DICER1: variants seen among roughly 807,000 people sequenced by gnomAD.
DICER1 encodes the protein dicer 1, ribonuclease III.
DICER1 carries 43 observed loss-of-function variants against 194.1 expected under a neutral mutation model. The ratio of observed to expected loss-of-function variants is 0.22; its 90% CI spans 0.17 to 0.29. The LOEUF is 0.29. Among genes scored for constraint, DICER1 ranks in the 10% least tolerant of loss-of-function variants. The pLI is 1.00. For synonymous variants in DICER1, 832 were observed against 820.5 expected (o/e 1.01, Z -0.24); for missense variants, 1,608 against 2,317.0 (o/e 0.69, Z 6.28).
Position 95,132,144 on chromosome 14 carries a change from A to G in DICER1, c.307+371T>C, listed in dbSNP as rs113585915. Among the ~76,000 whole-genome samples the G allele has an allele frequency of 8.0e-3, 1,217 of 152,366 alleles. 20 individuals are homozygous for G. The highest frequency in any genetic ancestry group is 0.028 in the African/African-American group (1,158 of 41,598). Reference sequence around the variant, plus strand: ...TTCTAAGCAGCATGTAACTTTATTAATACAACTGATTAGCAAAATCATAAG... The same window carrying G: ...TTCTAAGCAGCATGTAACTTTATTAGTACAACTGATTAGCAAAATCATAAG... On this transcript the variant is annotated intron_variant, in intron 3 of 26. Transcript: ENST00000343455.
chr14:95,096,819 A>T, intron 22 of DICER1, 106 bp from the exon 23 acceptor site: 1 of 1,336,006 alleles, frequency 7.5e-7, no homozygotes. Flanking sequence ...AATGACAACC[A>T]CAAATACTAA....
chr14:95,113,711 T>G (rs180987674), intron 11 of DICER1, among the ~76,000 whole-genome samples: 3 of 152,066 alleles, frequency 2.0e-5, no homozygotes, highest in Non-Finnish European at 4.4e-5. Flanking sequence ...AAAAGGACAG[T>G]AGAACTAGCA....
At chr14:95,117,298 G>A (rs959381260) in intron 9 of DICER1, among the ~76,000 whole-genome samples, 2 of 152,002 alleles carry the variant, frequency 1.3e-5, no homozygotes, top group African/African-American at 4.8e-5. Context: ...ATAGTCATAT[G>A]GAATGTACAA....
At chr14:95,111,612 C>G (rs568238647) in intron 13 of DICER1, among the ~76,000 whole-genome samples, 156 bp from the exon 14 acceptor site, 3 of 152,160 alleles carry the variant, frequency 2.0e-5, no homozygotes, top group Non-Finnish European at 2.9e-5. Flanking sequence ...ATTCACACTT[C>G]AGGCAAAGTC....
chr14:95,146,876 T>A (rs1056608948), intron 1 of DICER1, among the ~76,000 whole-genome samples: 14 of 151,990 alleles, frequency 9.2e-5, no homozygotes, highest in African/African-American at 3.1e-4. Context: ...TAATTATGTC[T>A]TAGTTAAAAA....
At chr14:95,139,153 C>A (rs1010593962) in intron 1 of DICER1, among the ~76,000 whole-genome samples, 1 of 152,194 alleles carries the variant, frequency 6.6e-6, no homozygotes, top group Non-Finnish European at 1.5e-5. Flanking sequence ...GTATTTCAAT[C>A]CTATGTGCTC....
Position 95,103,730 on chromosome 14 carries a change from T to A in DICER1, c.3666A>T (p.Leu1222Phe). Residue 1222 changes from leucine (L) to phenylalanine (F), a missense_variant, in exon 21 of 27, where the codon TTA becomes TTT. Physicochemically the swap from Leu to Phe is conservative, Grantham distance 22. This residue lies in a region of DICER1 where 222 missense variants were observed against 215.5 expected (regional missense o/e 1.03). Transcript: ENST00000343455. ...QPTTSYSIQNLYSYENQPQPS... is the reference protein window; with the variant it reads ...QPTTSYSIQNFYSYENQPQPS... ...GCTGGGGCTGGTTCTCGTAACTGTA[T>A]AAATTCTGAATGGAATATGAGGTAG... The A allele has an allele frequency of 6.2e-7, 1 of 1,614,226 alleles. No individual in the cohort carries two copies. Among genetic ancestry groups the A allele is most frequent in the South Asian group, 1.1e-5 (1 of 91,080 alleles).
rs750106160 is a variant in DICER1, at chr14:95,086,567, T to C, written c.*3931A>G. On this transcript the variant is annotated 3_prime_UTR_variant, in exon 27 of 27. Transcript: ENST00000343455. ...CTTAGTGCATCTATAAAATTTAAAT[T>C]GTCTGTGGTTGATGTCCAAATAAAA... The C allele has an allele frequency of 4.3e-6, 1 of 233,322 alleles. No individual in the cohort carries two copies. Among genetic ancestry groups the C allele is most frequent in the Non-Finnish European group, 8.5e-6 (1 of 117,886 alleles). 14.5% of individuals were successfully genotyped at this position (233,322 alleles called of 1,614,324 possible).
chr14:95,091,223 G>T lies in DICER1; in HGVS notation c.5507C>A (p.Pro1836His), dbSNP rs187288681. The part of the protein sequence containing the change: ...SLETVWQVYY[P>H]MMRPLIEKFS... ...AATACCTATTAGTGGCCGCATCATG[G>T]GATAGTACACCTGCCAGACTGTCTC... Residue 1836 changes from proline (P) to histidine (H), a missense_variant, in exon 25 of 27, where the codon CCC (proline) becomes CAC (histidine). Pro to His is a moderately conservative substitution (Grantham distance 77). This residue lies in a region of DICER1 where 138 missense variants were observed against 298.3 expected (regional missense o/e 0.46). Coordinates refer to ENST00000343455, the MANE Select transcript of DICER1 (RefSeq NM_177438.3). The T allele has an allele frequency of 5.6e-6, 9 of 1,614,032 alleles. No homozygotes were observed.
At chr14:95,106,547 G>T (rs755910679) in intron 17 of DICER1, among the ~76,000 whole-genome samples, 7 of 151,780 alleles carry the variant, frequency 4.6e-5, no homozygotes, top group Admixed American at 2.0e-4. Context: ...TATCCAAAGA[G>T]TAAATACTTT....
intron 1 of DICER1, among the ~76,000 whole-genome samples, chr14:95,138,994 T>TAAAAAAAAAAAAAAAAAAAAAAAAA (rs67050539): frequency 1.5e-5 from 2 of 135,966 alleles, no homozygotes; most frequent in Non-Finnish European, 3.2e-5. Flanking sequence ...AATAAAAAAA[T>TAAAAAAAAAAAAAAAAAAAAAAAAA]AAAAAAAAAA....
At chr14:95,154,696 G>A (rs1895727030) in intron 1 of DICER1, among the ~76,000 whole-genome samples, 1 of 152,130 alleles carries the variant, frequency 6.6e-6, no homozygotes. Flanking sequence ...TGGCATTGAA[G>A]GTAGGATGGA....
chr14:95,103,820 A>G lies in DICER1; in HGVS notation c.3576T>C (p.Ala1192=), dbSNP rs1384150632. 1 of 1,614,200 alleles carries G rather than the reference A, an allele frequency of 6.2e-7. No individual in the cohort carries two copies. The highest frequency in any genetic ancestry group is 1.1e-5 in the South Asian group (1 of 91,086). The part of the protein sequence containing the change: ...QNLANGSYDL[A]NRDFCQGNQL... The stretch of plus-strand genomic sequence containing the variant: ...GATTTCCTTGGCAAAAGTCTCTGTT[A>G]GCTAAATCATAACTGCCATTGGCGA... The change falls in exon 21 of 27, where the codon GCT becomes GCC. Residue 1192 remains alanine, a synonymous_variant. Transcript: ENST00000343455.
At chr14:95,126,048 G>C (rs1381290855) in intron 7 of DICER1, among the ~76,000 whole-genome samples, 2 of 150,900 alleles carry the variant, frequency 1.3e-5, no homozygotes, top group South Asian at 2.1e-4. Context: ...TAATGAATCA[G>C]ATTACTGGAG....
rs1889610913 is a variant in DICER1 at position 95,089,576 on chromosome 14, A to C, written c.*922T>G. On this transcript the variant is annotated 3_prime_UTR_variant, in exon 27 of 27. Coordinates refer to ENST00000343455, the MANE Select transcript of DICER1 (RefSeq NM_177438.3). Reference sequence around the variant, plus strand: ...GGGAACTACCTGGCAGGAGGACTTTAGTAAAATGGGGTGTTTAGCCAAAGA... The same window carrying C: ...GGGAACTACCTGGCAGGAGGACTTTCGTAAAATGGGGTGTTTAGCCAAAGA... The C allele has an allele frequency of 4.3e-6, 1 of 231,936 alleles. No homozygotes were observed. Among genetic ancestry groups the C allele is most frequent in the Non-Finnish European group, 8.5e-6 (1 of 117,360 alleles). The allele number at this position is 231,936 out of a possible 1,614,324, so 14.4% of individuals were successfully genotyped here.
rs1890326180 is a variant in DICER1 at position 95,096,281 on chromosome 14, C to T, written c.4639G>A (p.Asp1547Asn). 6.2e-7 allele frequency: 1 copy of T among 1,614,198 alleles called. No individual in the cohort carries two copies. Among genetic ancestry groups the T allele is most frequent in the Non-Finnish European group, 8.5e-7 (1 of 1,180,038 alleles). The change falls in exon 23 of 27, where the codon GAC (aspartate) becomes AAC (asparagine). Residue 1547 changes from aspartate to asparagine, a missense_variant. Around this residue, in one of 10 missense-constraint regions of DICER1, gnomAD observed 13 missense variants for 35.7 expected, o/e 0.36. Transcript: ENST00000343455. ...VDTGKQSISY[D>N]LHTEQCIADK... Reference sequence around the variant, plus strand: ...GCAATACACTGCTCAGTGTGCAAGTCGTAAGAAATGGACTGCTTTCCCGTG... The same window carrying T: ...GCAATACACTGCTCAGTGTGCAAGTTGTAAGAAATGGACTGCTTTCCCGTG...
chr14:95,146,357 A>C (rs534916351), intron 1 of DICER1, among the ~76,000 whole-genome samples: 1 of 152,276 alleles, frequency 6.6e-6, no homozygotes, highest in South Asian at 2.1e-4. Context: ...TACACTGTCA[A>C]GCCCACCTTT....
chr14:95,105,670 C>T lies in DICER1; in HGVS notation c.3093+8G>A, dbSNP rs1017490835. ...TACTAAGTTATGCTAGTACAATTAA[C>T]TCATTACCTGTTTATTCTGCAGACT... On this transcript the variant is annotated splice_region_variant and intron_variant, in intron 19 of 26. Transcript: ENST00000343455. This position sits in a 1 kb window ranked among gnomAD's most constrained non-coding sequence, Gnocchi z 4.9. 7 of 1,570,384 alleles carry T rather than the reference C, an allele frequency of 4.5e-6. No individual in the cohort carries two copies. The highest frequency in any genetic ancestry group is 6.1e-6 in the Non-Finnish European group (7 of 1,140,236).
rs1889436839 is a variant in DICER1, at chr14:95,087,561, T to C, written c.*2937A>G. 4.3e-6 allele frequency: 1 copy of C among 233,102 alleles called. No individual in the cohort carries two copies. Among genetic ancestry groups the C allele is most frequent in the African/African-American group, 2.2e-5 (1 of 45,358 alleles). The allele number at this position is 233,102 out of a possible 1,614,324, so 14.4% of individuals were successfully genotyped here. ...ACATTTTTTTCCTCTCTGTTAAGCA[T>C]ATTTTCTTGAAATGAGGTAAAGCAT... On this transcript the variant is annotated 3_prime_UTR_variant, in exon 27 of 27. Coordinates refer to ENST00000343455, the MANE Select transcript of DICER1 (RefSeq NM_177438.3).
Sources: gnomAD v4.1 joint callset for allele counts (sites outside exome capture counted in the v4.1 genomes callset) on GRCh38, gnomAD v4.1.1 for gene constraint, gnomAD v4.1.1 regional missense constraint, Gnocchi (gnomAD v3.1) non-coding constraint, MANE v1.5 for transcripts, NCBI Gene and HGNC (gene_info 2026-07-23, HGNC 2026-07-21) for gene names.